Variants in SPOCK1 observed in about 807,000 individuals in gnomAD.
SPOCK1 encodes the protein testican-1.
Under a neutral mutation model 55.3 loss-of-function variants are expected in SPOCK1, and 23 were observed. That is an observed-to-expected ratio of 0.42 (90% CI 0.30 to 0.59). The LOEUF is 0.59. Ranked by LOEUF, SPOCK1 falls within the 20% of genes least tolerant of loss-of-function variation. The probability of loss-of-function intolerance (pLI) is 0.22; values close to 1 mark genes in which losing one functional copy is unlikely to be tolerated. For synonymous variants in SPOCK1, 226 were observed against 221.0 expected, an observed-to-expected ratio of 1.02 and a Z score of -0.20; for missense variants, 499 against 552.5, an observed-to-expected ratio of 0.90 and a Z score of 0.97.
At chr5:137,326,116 A>T (rs1758071928) in intron 2 of SPOCK1, among the ~76,000 whole-genome samples, 1 of 152,180 alleles carries the variant, frequency 6.6e-6, no homozygotes, top group Non-Finnish European at 1.5e-5. Flanking sequence ...ATATCCATAG[A>T]TGGACTCAAA....
chr5:137,215,016 T>C (rs1755690391), intron 3 of SPOCK1, among the ~76,000 whole-genome samples: 1 of 152,150 alleles, frequency 6.6e-6, no homozygotes, highest in African/African-American at 2.4e-5. Context: ...ACACTGTGAC[T>C]CAATAAATGA....
chr5:137,109,139 T>A (rs1040307751), intron 5 of SPOCK1, among the ~76,000 whole-genome samples: 1 of 152,178 alleles, frequency 6.6e-6, no homozygotes, highest in Non-Finnish European at 1.5e-5. Flanking sequence ...CAAACAGTCC[T>A]GAGTACTCAG....
intron 3 of SPOCK1, among the ~76,000 whole-genome samples, chr5:137,224,722 G>A (rs1309598945): frequency 6.6e-6 from 1 of 152,148 alleles, no homozygotes; most frequent in African/African-American, 2.4e-5. Flanking sequence ...AAATAAAATT[G>A]TTACTTCTAA....
chr5:137,210,615 G>A (rs1005423683), intron 3 of SPOCK1, among the ~76,000 whole-genome samples: 9 of 152,126 alleles, frequency 5.9e-5, no homozygotes, highest in African/African-American at 1.9e-4. Flanking sequence ...GGACTAGGGG[G>A]CATCTGGAGA....
At chr5:137,091,060 G>A (rs1395143870) in intron 5 of SPOCK1, among the ~76,000 whole-genome samples, 47 of 152,186 alleles carry the variant, frequency 3.1e-4, no homozygotes, top group Admixed American at 3.0e-3. Context: ...GAGGCAAAGG[G>A]GAGCTGAGGA....
chr5:137,142,287 A>G (rs1272402611), intron 3 of SPOCK1, among the ~76,000 whole-genome samples: 1 of 152,212 alleles, frequency 6.6e-6, no homozygotes, highest in Non-Finnish European at 1.5e-5. Context: ...CTGACTCCTC[A>G]GCATGTAGAG....
chr5:137,217,190 A>G (rs1580812282), intron 3 of SPOCK1, among the ~76,000 whole-genome samples: 1 of 152,236 alleles, frequency 6.6e-6, no homozygotes, highest in East Asian at 1.9e-4. Flanking sequence ...AAACATAATG[A>G]ATAAATAAAC....
chr5:137,459,938 G>A (rs1033721597), intron 2 of SPOCK1, among the ~76,000 whole-genome samples: 3 of 152,140 alleles, frequency 2.0e-5, no homozygotes, highest in African/African-American at 4.8e-5. Flanking sequence ...TAGGAGAAGG[G>A]GCTTGGCATG....
At chr5:137,226,251 A>C (rs995099613) in intron 3 of SPOCK1, among the ~76,000 whole-genome samples, 1 of 152,242 alleles carries the variant, frequency 6.6e-6, no homozygotes, top group African/African-American at 2.4e-5. Context: ...CATGACATGA[A>C]GAAAACGATG....
chr5:137,074,992 C>T (rs992263959), intron 5 of SPOCK1, among the ~76,000 whole-genome samples: 19 of 151,854 alleles, frequency 1.3e-4, no homozygotes, highest in African/African-American at 4.4e-4. Context: ...CGTGAGTCAC[C>T]GCGCCCGACC....
intron 3 of SPOCK1, among the ~76,000 whole-genome samples, chr5:137,155,956 C>T (rs1412567086): frequency 6.6e-6 from 1 of 152,226 alleles, no homozygotes; most frequent in East Asian, 1.9e-4. Context: ...TCAACTTGGA[C>T]TGATGAAGCA....
chr5:137,273,994 G>C (rs752680916), intron 2 of SPOCK1, among the ~76,000 whole-genome samples: 9 of 152,150 alleles, frequency 5.9e-5, no homozygotes, highest in Non-Finnish European at 8.8e-5. Context: ...CTCTTCTTAG[G>C]GACTTTCTGT....
chr5:137,351,892 C>T (rs1580880546), intron 2 of SPOCK1, among the ~76,000 whole-genome samples: 1 of 152,208 alleles, frequency 6.6e-6, no homozygotes, highest in Admixed American at 6.5e-5. Flanking sequence ...CCCAGCTCAG[C>T]CTCTCATCAG....
At chr5:137,039,736 T>C (rs568403239) in intron 6 of SPOCK1, among the ~76,000 whole-genome samples, 1 of 152,328 alleles carries the variant, frequency 6.6e-6, no homozygotes, top group South Asian at 2.1e-4. Flanking sequence ...TGTTATTAGC[T>C]TCTACTAAGC....
At position 137,193,025 on chromosome 5, in the gene SPOCK1, G is replaced by T. The variant is rs151319579; in HGVS notation, c.233-52331C>A. Among the ~76,000 whole-genome samples the T allele has an allele frequency of 7.4e-3, 1,124 of 152,300 alleles. 14 individuals are homozygous for T. The highest frequency in any genetic ancestry group is 0.025 in the African/African-American group (1,049 of 41,554). On this transcript the variant is annotated intron_variant, in intron 3 of 10. Coordinates refer to ENST00000394945, the MANE Select transcript of SPOCK1 (RefSeq NM_004598.4). The stretch of plus-strand genomic sequence containing the variant: ...TTTTGTTTTTGTAAGTAAAAGCTCT[G>T]AAGCTGATAGGGCTGTATTAATGCT...
At chr5:137,084,921 A>G (rs1440695548) in intron 5 of SPOCK1, among the ~76,000 whole-genome samples, 1 of 139,732 alleles carries the variant, frequency 7.2e-6, no homozygotes, top group Non-Finnish European at 1.5e-5. Flanking sequence ...TTTGGGATCC[A>G]TCCTCATCAG....
intron 4 of SPOCK1, among the ~76,000 whole-genome samples, chr5:137,135,708 T>C (rs1044595412): frequency 6.6e-6 from 1 of 152,230 alleles, no homozygotes; most frequent in Non-Finnish European, 1.5e-5. Flanking sequence ...TTCTCTACAA[T>C]TTCAAGTAAA....
At chr5:137,418,267 G>A (rs1222935319) in intron 2 of SPOCK1, among the ~76,000 whole-genome samples, 2 of 152,052 alleles carry the variant, frequency 1.3e-5, no homozygotes, top group Non-Finnish European at 2.9e-5. Flanking sequence ...ATAAACACAC[G>A]TGTACATGTG....
At chr5:137,309,778 G>A (rs145134049) in intron 2 of SPOCK1, among the ~76,000 whole-genome samples, 185 of 151,922 alleles carry the variant, frequency 1.2e-3, no homozygotes, top group Non-Finnish European at 2.1e-3. Context: ...TGATCCTGAG[G>A]ATTAAATAAG....
Sources: gnomAD v4.1 joint callset for allele counts (sites outside exome capture counted in the v4.1 genomes callset) on GRCh38, gnomAD v4.1.1 for gene constraint, MANE v1.5 for transcripts, NCBI Gene and HGNC (gene_info 2026-07-23, HGNC 2026-07-21) for gene names.